The following STK32A variants were observed in gnomAD, a reference collection of about 807,000 sequenced individuals.
STK32A encodes the protein serine/threonine-protein kinase 32A.
Under a neutral mutation model 53.2 loss-of-function variants are expected in STK32A, and 41 were observed. The ratio of observed to expected loss-of-function variants is 0.77; its 90% CI spans 0.60 to 1.00. The LOEUF (loss-of-function observed/expected upper bound fraction) is 1.00. STK32A is among the 50% of genes least tolerant of loss of function. The pLI, the probability that STK32A is intolerant of heterozygous loss-of-function variation, is 0.00. For missense variants in STK32A, 458 were observed against 485.8 expected, an observed-to-expected ratio of 0.94 and a Z score of 0.54; for synonymous variants, 166 against 162.8, an observed-to-expected ratio of 1.02 and a Z score of -0.15.
At chr5:147,269,025 C>G (rs1468634180) in intron 2 of STK32A, among the ~76,000 whole-genome samples, 2 of 152,130 alleles carry the variant, frequency 1.3e-5, no homozygotes, top group East Asian at 3.9e-4. Context: ...GCTGTGGAGT[C>G]CACTTGAGTG....
chr5:147,310,919 T>C (rs886605814), intron 4 of STK32A, among the ~76,000 whole-genome samples: 1 of 152,170 alleles, frequency 6.6e-6, no homozygotes, highest in Non-Finnish European at 1.5e-5. Context: ...AGAGCCAGTA[T>C]ATGTAAGCCG....
chr5:147,241,950 C>G (rs1183438982), intron 2 of STK32A, among the ~76,000 whole-genome samples: 1 of 152,170 alleles, frequency 6.6e-6, no homozygotes, highest in Non-Finnish European at 1.5e-5. Flanking sequence ...CATAACTCTT[C>G]CTTGATTCAG....
the STK32A span, chr5:147,394,207 A>G: frequency 7.2e-7 from 1 of 1,394,938 alleles, no homozygotes; most frequent in Non-Finnish European, 1.0e-6. Flanking sequence ...AACTGGGTTA[A>G]TTTTAAGAGT....
chr5:147,346,461 A>G (rs1755697790), intron 6 of STK32A, among the ~76,000 whole-genome samples: 1 of 152,124 alleles, frequency 6.6e-6, no homozygotes. Context: ...ATTCTTACTG[A>G]CTCATATTCT....
At chr5:147,252,101 T>G (rs1014921775) in intron 2 of STK32A, among the ~76,000 whole-genome samples, 1 of 151,878 alleles carries the variant, frequency 6.6e-6, no homozygotes, top group Non-Finnish European at 1.5e-5. Context: ...GAGCTGTAAT[T>G]GCACCACTGC....
chr5:147,329,619 A>AT (rs1754763541), intron 5 of STK32A, among the ~76,000 whole-genome samples: 1 of 152,128 alleles, frequency 6.6e-6, no homozygotes, highest in Admixed American at 6.5e-5. Flanking sequence ...TGAGCGATGC[A>AT]TGTGTGCCTG....
At chr5:147,235,334 G>A (rs953119242) in intron 1 of STK32A, 135 bp downstream of exon 1, 5 of 152,348 alleles carry the variant, frequency 3.3e-5, no homozygotes, top group Admixed American at 1.3e-4. Context: ...CTAAATGCAG[G>A]CTAGGGCCAA....
rs1177772417 is a variant in STK32A at position 147,279,214 on chromosome 5, T to TA, written c.109-31dup. 4.4e-6 allele frequency: 7 copies of TA among 1,585,174 alleles called. No individual in the cohort carries two copies. In the African/African-American group the frequency reaches 9.4e-5, roughly 21 times the overall value. On this transcript the variant is annotated intron_variant, in intron 3 of 12. Transcript: ENST00000397936. ...TCATCACCATGATCCATTATCTCCC[T>TA]AATCACTCTCTCACTCGGGTTTTCA...
In STK32A at chr5:147,386,267, A is replaced by G. The variant is rs935124839; in HGVS notation, c.*2284A>G. 6.6e-6 allele frequency: 1 copy of G among 152,208 alleles called. No individual in the cohort carries two copies. The highest frequency in any genetic ancestry group is 1.5e-5 in the Non-Finnish European group (1 of 68,032). The allele number at this position is 152,208 out of a possible 1,614,324, so 9.4% of individuals were successfully genotyped here. ...TCAGAGAAGGGGATGTGTTGGAAAGAGCAAGAATAAGAAAGTGACCAGATT... is the reference window on the plus strand; with the variant it reads ...TCAGAGAAGGGGATGTGTTGGAAAGGGCAAGAATAAGAAAGTGACCAGATT... On this transcript the variant is annotated 3_prime_UTR_variant, in exon 13 of 13. Coordinates refer to ENST00000397936, the MANE Select transcript of STK32A (RefSeq NM_001112724.2).
rs770460719 is a variant in STK32A, at chr5:147,343,195, T to G, written c.472+152T>G. On this transcript the variant is annotated intron_variant, in intron 6 of 12. Coordinates refer to ENST00000397936, the MANE Select transcript of STK32A (RefSeq NM_001112724.2). Reference sequence around the variant, plus strand: ...CTCCTCATAGACAATATGGGGGAACTTTATTACTTATGGCAGGTTATAGTA... The same window carrying G: ...CTCCTCATAGACAATATGGGGGAACGTTATTACTTATGGCAGGTTATAGTA... The G allele has an allele frequency of 3.6e-6, 3 of 839,556 alleles. No homozygotes were observed. The East Asian group carries it at 7.3e-5, about 20-fold the overall frequency. 52.0% of individuals were successfully genotyped at this position (839,556 alleles called of 1,614,324 possible).
At chr5:147,264,865 C>T (rs774677963) in intron 2 of STK32A, among the ~76,000 whole-genome samples, 10 of 152,010 alleles carry the variant, frequency 6.6e-5, no homozygotes, top group Non-Finnish European at 1.3e-4. Context: ...GATCATAGGA[C>T]TGCCATTTTC....
intron 4 of STK32A, among the ~76,000 whole-genome samples, chr5:147,312,352 C>T (rs1478952834): frequency 6.6e-6 from 1 of 152,156 alleles, no homozygotes; most frequent in Non-Finnish European, 1.5e-5. Flanking sequence ...GATCCACCCA[C>T]CTCGGCCTTC....
At chr5:147,377,667 C>T (rs1757285310) in intron 11 of STK32A, among the ~76,000 whole-genome samples, 1 of 152,158 alleles carries the variant, frequency 6.6e-6, no homozygotes. Flanking sequence ...GTTGTGTCAT[C>T]ACTGAAGTTT....
chr5:147,386,447 C>G lies in STK32A; in HGVS notation c.*2464C>G, dbSNP rs1290001078. On this transcript the variant is annotated 3_prime_UTR_variant, in exon 13 of 13. Transcript: ENST00000397936. Reference sequence around the variant, plus strand: ...GCTGCAACCTTGTTTGCATCCTTCCCAAGAAGAGGCTTTGGGAAATTTTTC... The same window carrying G: ...GCTGCAACCTTGTTTGCATCCTTCCGAAGAAGAGGCTTTGGGAAATTTTTC... 6.6e-6 allele frequency: 1 copy of G among 152,168 alleles called. No individual in the cohort carries two copies. 9.4% of individuals were successfully genotyped at this position (152,168 alleles called of 1,614,324 possible).
At chr5:147,260,179 CCT>C (rs1177613214) in intron 2 of STK32A, among the ~76,000 whole-genome samples, 3 of 11,116 alleles carry the variant, frequency 2.7e-4, no homozygotes, top group Non-Finnish European at 5.4e-4. Flanking sequence ...CTCTCTCTCT[CCT>C]CTCTCTCTCC....
At chr5:147,246,352 A>T (rs1365801046) in intron 2 of STK32A, among the ~76,000 whole-genome samples, 1 of 152,194 alleles carries the variant, frequency 6.6e-6, no homozygotes, top group Non-Finnish European at 1.5e-5. Context: ...AGTGGTTCCA[A>T]CTGGAGTGTT....
In STK32A at chr5:147,301,621, T is replaced by C. The variant is rs189970784; in HGVS notation, c.260+22223T>C. 2.2e-4 allele frequency among the ~76,000 whole-genome samples: 34 copies of C among 152,306 alleles called. 1 individual carries two copies. Among genetic ancestry groups the C allele is most frequent in the Admixed American group, 2.1e-3 (32 of 15,284 alleles). The stretch of plus-strand genomic sequence containing the variant: ...TTTGTAAATGTGGAAACACAGAAAG[T>C]TCTAATGAAAAAATAAAAACCTGTA... On this transcript the variant is annotated intron_variant, in intron 4 of 12. Coordinates refer to ENST00000397936, the MANE Select transcript of STK32A (RefSeq NM_001112724.2).
chr5:147,312,271 T>C (rs990671538), intron 4 of STK32A, among the ~76,000 whole-genome samples: 1 of 152,118 alleles, frequency 6.6e-6, no homozygotes, highest in African/African-American at 2.4e-5. Context: ...AGCTAATTTT[T>C]TTTTGTATTT....
chr5:147,372,908 G>T (rs889739192), intron 9 of STK32A, among the ~76,000 whole-genome samples: 3 of 152,032 alleles, frequency 2.0e-5, no homozygotes, highest in African/African-American at 7.2e-5. Context: ...GAACAAATTT[G>T]CCCTTAGTAA....
Sources: gnomAD v4.1 joint callset for allele counts (sites outside exome capture counted in the v4.1 genomes callset) on GRCh38, gnomAD v4.1.1 for gene constraint, MANE v1.5 for transcripts, NCBI Gene and HGNC (gene_info 2026-07-23, HGNC 2026-07-21) for gene names.